The following CCZ1 variants were observed in gnomAD, a reference collection of about 807,000 sequenced individuals.
CCZ1 encodes vacuolar fusion protein CCZ1 homolog.
Under a neutral mutation model 57.8 loss-of-function variants are expected in CCZ1, and 19 were observed. The observed-to-expected ratio is 0.33, with a 90% CI of 0.23 to 0.48. CCZ1 has a LOEUF of 0.48. CCZ1 is among the 20% of genes least tolerant of loss of function. CCZ1 has a pLI of 0.99. For missense variants in CCZ1, 200 were observed against 492.0 expected (o/e 0.41, Z 5.61); for synonymous variants, 81 against 167.0 (o/e 0.49, Z 3.97).
intron 7 of CCZ1, among the ~76,000 whole-genome samples, chr7:5,906,183 G>A (rs1202173048): frequency 6.8e-6 from 1 of 148,012 alleles, no homozygotes; most frequent in Non-Finnish European, 1.5e-5. Flanking sequence ...CCCAGCATAT[G>A]TGACCCCTGA....
intron 10 of CCZ1, among the ~76,000 whole-genome samples, chr7:5,917,528 A>T: frequency 2.8e-4 from 1 of 3,552 alleles, no homozygotes; most frequent in South Asian, 7.2e-3. Flanking sequence ...ATTTCCTTCC[A>T]TTTGCTTTAG....
chr7:5,912,376 C>CTT (rs1779057480), intron 9 of CCZ1, among the ~76,000 whole-genome samples: 1 of 99,850 alleles, frequency 1.0e-5, no homozygotes, highest in Non-Finnish European at 1.9e-5. Flanking sequence ...TTCAGCATAC[C>CTT]CTTTTTTTTT....
intron 12 of CCZ1, among the ~76,000 whole-genome samples, chr7:5,923,032 G>A (rs1378706166): frequency 7.1e-6 from 1 of 141,392 alleles, no homozygotes; most frequent in Non-Finnish European, 1.5e-5. Flanking sequence ...GAAAAAGAGG[G>A]CCAGGGCCGG....
At chr7:5,912,454 C>T (rs151230450) in intron 9 of CCZ1, among the ~76,000 whole-genome samples, 7,153 of 117,988 alleles carry the variant, frequency 0.061, 163 homozygotes, top group African/African-American at 0.14. Flanking sequence ...GTGTGGAGTA[C>T]AGTGGCACGA....
intron 1 of CCZ1, among the ~76,000 whole-genome samples, chr7:5,899,329 AGG>A (rs879316596): frequency 0.42 from 24,494 of 57,692 alleles, 1,557 homozygotes; most frequent in Admixed American, 0.48. Context: ...TAATTTCGGG[AGG>A]GGGGTGTGTG....
rs746657675 is a variant in CCZ1 at position 5,904,088 on chromosome 7, A to ATT, written c.523-986_523-985dup. 5.2e-3 allele frequency among the ~76,000 whole-genome samples: 438 copies of ATT among 84,502 alleles called. 19 individuals carry two copies. Among genetic ancestry groups the ATT allele is most frequent in the African/African-American group, 0.019 (359 of 19,220 alleles). The allele number at this position is 84,502 out of a possible 152,430, so 55.4% of individuals were successfully genotyped here. A position where few individuals can be genotyped will look rare whatever the true frequency, so the allele number is the denominator to read the frequency against. On this transcript the variant is annotated intron_variant, in intron 6 of 14. Transcript: ENST00000325974. The stretch of plus-strand genomic sequence containing the variant: ...TGAAGAGCATTAAGGCAGGGAGTTA[A>ATT]TTTTTTTTTTTTTTTTTTTTTGAGA...
chr7:5,904,268 T>C lies in CCZ1; in HGVS notation c.523-826T>C, dbSNP rs542878232. The stretch of plus-strand genomic sequence containing the variant: ...CGCCCGGCTAATGTTGTAATTTTAT[T>C]AGAGACGGGGTTTTGTCATGTTGGC... On this transcript the variant is annotated intron_variant, in intron 6 of 14. Coordinates refer to ENST00000325974, the MANE Select transcript of CCZ1 (RefSeq NM_015622.6). Among the ~76,000 whole-genome samples the C allele has an allele frequency of 1.7e-3, 233 of 139,962 alleles. 19 individuals carry two copies. The highest frequency in any genetic ancestry group is 6.1e-3 in the African/African-American group (222 of 36,478). 91.8% of individuals were successfully genotyped at this position (139,962 alleles called of 152,430 possible).
Position 5,906,897 on chromosome 7 carries a change from G to A in CCZ1, c.698+1628G>A, listed in dbSNP as rs771141552. Among the ~76,000 whole-genome samples, 15 of 150,086 alleles carry A rather than the reference G, an allele frequency of 1.0e-4. 1 individual carries two copies. Among genetic ancestry groups the A allele is most frequent in the Admixed American group, 9.2e-4 (14 of 15,166 alleles). Reference sequence around the variant, plus strand: ...TTTTTTTTGTTTTTGAGATGGAGTCGCTTTCTGTTGCCCAGGCTGGAGTGC... The same window carrying A: ...TTTTTTTTGTTTTTGAGATGGAGTCACTTTCTGTTGCCCAGGCTGGAGTGC... On this transcript the variant is annotated intron_variant, in intron 7 of 14. Transcript: ENST00000325974.
intron 5 of CCZ1, chr7:5,902,451 T>A: frequency 2.2e-6 from 2 of 890,720 alleles, no homozygotes; most frequent in Non-Finnish European, 3.0e-6. Flanking sequence ...AGCAATTAGG[T>A]GGTTTCATAA....
At chr7:5,923,719 AG>A in intron 13 of CCZ1, 115 bp from the exon 14 acceptor site, 1 of 1,051,190 alleles carries the variant, frequency 9.5e-7, no homozygotes, top group Non-Finnish European at 1.4e-6. Flanking sequence ...GCACTCCCTG[AG>A]CCTTTTAAAT....
chr7:5,899,945 C>T (rs1232713531), intron 1 of CCZ1, among the ~76,000 whole-genome samples: 1 of 139,296 alleles, frequency 7.2e-6, no homozygotes, highest in Non-Finnish European at 1.5e-5. Flanking sequence ...TTACCTGGTG[C>T]TACTTCAGAT....
intron 8 of CCZ1, 36 bp downstream of exon 8, chr7:5,910,152 C>T (rs373486620): frequency 1.1e-5 from 17 of 1,554,216 alleles, no homozygotes; most frequent in Admixed American, 1.7e-5. Flanking sequence ...CAATTACATG[C>T]AGGGGCACAG....
chr7:5,906,323 C>A (rs867432264), intron 7 of CCZ1, among the ~76,000 whole-genome samples: 1 of 128,040 alleles, frequency 7.8e-6, no homozygotes, highest in East Asian at 2.8e-4. Context: ...TTCTTTCTTT[C>A]TTTTTTTTTT....
intron 12 of CCZ1, among the ~76,000 whole-genome samples, chr7:5,922,006 A>G (rs1354252274): frequency 6.6e-6 from 1 of 151,568 alleles, no homozygotes; most frequent in Non-Finnish European, 1.5e-5. Flanking sequence ...GGTGTGTGCC[A>G]CCACGCCTGG....
intron 1 of CCZ1, among the ~76,000 whole-genome samples, chr7:5,899,419 G>A (rs1470741521): frequency 7.0e-6 from 1 of 143,010 alleles, no homozygotes; most frequent in Non-Finnish European, 1.5e-5. Flanking sequence ...TTTCTCAAAG[G>A]ATGTCCGGAG....
chr7:5,900,367 T>C lies in CCZ1; in HGVS notation c.204T>C (p.Ile68=), dbSNP rs1451567249. Residue 68 remains isoleucine (I), a synonymous_variant, in exon 2 of 15, where the codon ATT becomes ATC. Transcript: ENST00000325974. ...KIRNVGLCEA[I]VQFTRTFSPS... is the part of the protein sequence containing the mutation. Reference sequence around the variant, plus strand: ...GAAATGTCGGATTGTGTGAAGCTATTGTACAGTTTACAAGGTAATACCTCT... The same window carrying C: ...GAAATGTCGGATTGTGTGAAGCTATCGTACAGTTTACAAGGTAATACCTCT... The C allele has an allele frequency of 6.4e-7, 1 of 1,570,778 alleles. No homozygotes were observed. Among genetic ancestry groups the C allele is most frequent in the Non-Finnish European group, 8.6e-7 (1 of 1,159,648 alleles).
Position 5,912,830 on chromosome 7 carries a change from TCTTG to T in CCZ1, c.843-9_843-6del. 1.7e-6 allele frequency: 2 copies of T among 1,189,380 alleles called. No individual in the cohort carries two copies. Among genetic ancestry groups the T allele is most frequent in the African/African-American group, 1.5e-5 (1 of 65,894 alleles). 73.7% of individuals were successfully genotyped at this position (1,189,380 alleles called of 1,614,324 possible). The stretch of plus-strand genomic sequence containing the variant: ...CCTCGTTGAATCAAGTCATGTCTGT[TCTTG>T]CTTTTAAGATTTCTTACCGGACCCT... On this transcript the variant is annotated splice_polypyrimidine_tract_variant and intron_variant, in intron 9 of 14. Coordinates refer to ENST00000325974, the MANE Select transcript of CCZ1 (RefSeq NM_015622.6).
At chr7:5,904,703 C>T (rs1455388860) in intron 6 of CCZ1, among the ~76,000 whole-genome samples, 1 of 146,926 alleles carries the variant, frequency 6.8e-6, no homozygotes. Flanking sequence ...TGGTGGCAGG[C>T]GCCTGTAGTC....
rs202022921 is a variant in CCZ1 at position 5,911,410 on chromosome 7, G to C, written c.781-451G>C. Among the ~76,000 whole-genome samples, 42 of 147,640 alleles carry C rather than the reference G, an allele frequency of 2.8e-4. 4 individuals are homozygous for C. The highest frequency in any genetic ancestry group is 4.3e-4 in the Non-Finnish European group (29 of 67,366). The stretch of plus-strand genomic sequence containing the variant: ...CTCAAACTCCTGGGCTCAAGCGGTC[G>C]TGTCACCTCAGCCTCCCAAGTAGCT... On this transcript the variant is annotated intron_variant, in intron 8 of 14. Transcript: ENST00000325974.
Sources: gnomAD v4.1 joint callset for allele counts (sites outside exome capture counted in the v4.1 genomes callset) on GRCh38, gnomAD v4.1.1 for gene constraint, MANE v1.5 for transcripts, NCBI Gene and HGNC (gene_info 2026-07-23, HGNC 2026-07-21) for gene names.